Variants in AKT3 observed in about 807,000 individuals in gnomAD.
The protein encoded by AKT3 is AKT serine/threonine kinase 3.
Under a neutral mutation model 65.3 loss-of-function variants are expected in AKT3, and 15 were observed. The ratio of observed to expected loss-of-function variants is 0.23; its 90% CI spans 0.15 to 0.35. AKT3 has a LOEUF of 0.35. AKT3 is among the 10% of genes least tolerant of loss of function. AKT3 has a pLI of 1.00. For synonymous variants in AKT3, 206 were observed against 183.8 expected (o/e 1.12, Z -0.98); for missense variants, 243 against 576.5 (o/e 0.42, Z 5.92).
chr1:243,523,223 C>G (rs1433457823), intron 12 of AKT3, among the ~76,000 whole-genome samples: 1 of 149,388 alleles, frequency 6.7e-6, no homozygotes, highest in African/African-American at 2.5e-5. Flanking sequence ...ACAGAAGATG[C>G]AAGCTATGTT....
chr1:243,777,870 G>C (rs887818012), intron 2 of AKT3, among the ~76,000 whole-genome samples: 1 of 152,096 alleles, frequency 6.6e-6, no homozygotes, highest in Non-Finnish European at 1.5e-5. Context: ...AAATTCCTTA[G>C]ACTGGAATGT....
At chr1:243,721,851 C>T (rs188678445) in intron 2 of AKT3, among the ~76,000 whole-genome samples, 9 of 152,162 alleles carry the variant, frequency 5.9e-5, no homozygotes, top group East Asian at 5.8e-4. Flanking sequence ...AGGCAAGGCA[C>T]ATCAGAGGTG....
At chr1:243,615,579 T>A (rs1558655559) in intron 6 of AKT3, among the ~76,000 whole-genome samples, 3 of 152,112 alleles carry the variant, frequency 2.0e-5, no homozygotes, top group Non-Finnish European at 4.4e-5. Flanking sequence ...TATTTCCCAA[T>A]AAATATCAAA....
intron 2 of AKT3, among the ~76,000 whole-genome samples, chr1:243,820,809 T>C (rs1277048623): frequency 6.6e-6 from 1 of 152,172 alleles, no homozygotes; most frequent in African/African-American, 2.4e-5. Flanking sequence ...TATGACTGAT[T>C]AGGGTACCTG....
At chr1:243,787,542 A>G (rs1166023879) in intron 2 of AKT3, among the ~76,000 whole-genome samples, 1 of 152,194 alleles carries the variant, frequency 6.6e-6, no homozygotes, top group African/African-American at 2.4e-5. Flanking sequence ...TGTCATTATA[A>G]CTACATAGGG....
chr1:243,722,613 A>C (rs1686980332), intron 2 of AKT3, among the ~76,000 whole-genome samples: 1 of 152,320 alleles, frequency 6.6e-6, no homozygotes, highest in African/African-American at 2.4e-5. Flanking sequence ...AGAAGAACAA[A>C]TTCTAAACTA....
chr1:243,617,004 T>C (rs1235678691), intron 6 of AKT3, among the ~76,000 whole-genome samples: 4 of 152,160 alleles, frequency 2.6e-5, no homozygotes, highest in Non-Finnish European at 5.9e-5. Flanking sequence ...CACCAGAACT[T>C]ACTGATTTCC....
At chr1:243,605,170 C>T (rs1677301304) in intron 8 of AKT3, among the ~76,000 whole-genome samples, 1 of 151,982 alleles carries the variant, frequency 6.6e-6, no homozygotes, top group Non-Finnish European at 1.5e-5. Flanking sequence ...ACTAGGACTA[C>T]AGGTACACAT....
At chr1:243,692,001 G>A (rs1331754413) in intron 3 of AKT3, among the ~76,000 whole-genome samples, 1 of 152,192 alleles carries the variant, frequency 6.6e-6, no homozygotes, top group African/African-American at 2.4e-5. Context: ...CACAGTGGGA[G>A]TGGTCAAAAA....
At chr1:243,596,639 G>A (rs1676636039) in intron 8 of AKT3, among the ~76,000 whole-genome samples, 1 of 152,150 alleles carries the variant, frequency 6.6e-6, no homozygotes, top group African/African-American at 2.4e-5. Flanking sequence ...TTAATGCTGA[G>A]ACTGTAAAAT....
chr1:243,547,662 C>G (rs1489805037), intron 11 of AKT3, among the ~76,000 whole-genome samples: 1 of 152,060 alleles, frequency 6.6e-6, no homozygotes, highest in Admixed American at 6.6e-5. Context: ...AATTGTCAAG[C>G]CATCGTAGGT....
Position 243,503,144 on chromosome 1 carries a change from C to T in AKT3, c.*2105G>A, listed in dbSNP as rs1669429131. 4.3e-6 allele frequency: 1 copy of T among 233,332 alleles called. No homozygotes were observed. The highest frequency in any genetic ancestry group is 5.6e-5 in the Admixed American group (1 of 17,758). The allele number at this position is 233,332 out of a possible 1,614,324, so 14.5% of individuals were successfully genotyped here. On this transcript the variant is annotated 3_prime_UTR_variant, in exon 14 of 14. Coordinates refer to ENST00000673466, the MANE Select transcript of AKT3 (RefSeq NM_005465.7). Reference sequence around the variant, plus strand: ...TATGTGTGTAAGTAAGAATGAACTACCATTTACTGTAACTTCCTACTCAAT... The same window carrying T: ...TATGTGTGTAAGTAAGAATGAACTATCATTTACTGTAACTTCCTACTCAAT...
At chr1:243,514,606 G>A (rs995106245) in intron 12 of AKT3, among the ~76,000 whole-genome samples, 1 of 152,094 alleles carries the variant, frequency 6.6e-6, no homozygotes, top group Non-Finnish European at 1.5e-5. Context: ...ACGAGGGCAA[G>A]GACTTTAAAA....
At chr1:243,783,794 C>T (rs1414216467) in intron 2 of AKT3, among the ~76,000 whole-genome samples, 1 of 151,936 alleles carries the variant, frequency 6.6e-6, no homozygotes, top group Non-Finnish European at 1.5e-5. Flanking sequence ...AAAGATCAAA[C>T]GAGTTTATAC....
chr1:243,692,508 G>C (rs796141946), intron 3 of AKT3, among the ~76,000 whole-genome samples: 2 of 152,088 alleles, frequency 1.3e-5, no homozygotes, highest in South Asian at 4.2e-4. Flanking sequence ...TAAGGCAGGT[G>C]GATCACCTGA....
intron 2 of AKT3, among the ~76,000 whole-genome samples, chr1:243,833,479 G>A (rs558586046): frequency 9.3e-5 from 14 of 150,302 alleles, no homozygotes; most frequent in East Asian, 5.8e-4. Context: ...TCGATAACAC[G>A]AGAACAGCAT....
intron 2 of AKT3, among the ~76,000 whole-genome samples, chr1:243,750,471 A>G (rs1339394949): frequency 3.3e-5 from 5 of 152,034 alleles, no homozygotes; most frequent in Non-Finnish European, 7.4e-5. Context: ...AAGGACAGCA[A>G]GCTCAATGCC....
intron 3 of AKT3, among the ~76,000 whole-genome samples, chr1:243,688,826 CTTT>C (rs576896893): frequency 6.7e-6 from 1 of 149,346 alleles, no homozygotes; most frequent in East Asian, 1.9e-4. Flanking sequence ...CTAATCTGAG[CTTT>C]TTTTTTTCCT....
intron 2 of AKT3, among the ~76,000 whole-genome samples, chr1:243,748,934 T>C (rs1305393405): frequency 6.6e-6 from 1 of 152,136 alleles, no homozygotes; most frequent in African/African-American, 2.4e-5. Flanking sequence ...CTGTTGTAAA[T>C]ACAAATGAAC....
Sources: gnomAD v4.1 joint callset for allele counts (sites outside exome capture counted in the v4.1 genomes callset) on GRCh38, gnomAD v4.1.1 for gene constraint, MANE v1.5 for transcripts, NCBI Gene and HGNC (gene_info 2026-07-23, HGNC 2026-07-21) for gene names.